The following NALCN variants were observed in gnomAD, a reference collection of about 807,000 sequenced individuals.
NALCN encodes sodium leak channel NALCN.
In NALCN, 111 loss-of-function variants were observed where a neutral mutation model predicts 225.3. The ratio of observed to expected loss-of-function variants is 0.49; its 90% CI spans 0.42 to 0.58. The LOEUF is 0.58. Ranked by LOEUF, NALCN falls within the 20% of genes least tolerant of loss-of-function variation. NALCN has a pLI of 0.00. For missense variants in NALCN, 1,378 were observed against 2,202.4 expected (o/e 0.63, Z 7.49); for synonymous variants, 764 against 769.0 (o/e 0.99, Z 0.11).
intron 15 of NALCN, among the ~76,000 whole-genome samples, chr13:101,150,272 A>G (rs2037581365): frequency 6.6e-6 from 1 of 152,156 alleles, no homozygotes; most frequent in Non-Finnish European, 1.5e-5. Flanking sequence ...GGGAGGGAGT[A>G]TGGAAAGGAG....
At chr13:101,146,515 AAG>A (rs2037351395) in intron 15 of NALCN, among the ~76,000 whole-genome samples, 1 of 152,224 alleles carries the variant, frequency 6.6e-6, no homozygotes, top group African/African-American at 2.4e-5. Flanking sequence ...ATTTACCAGG[AAG>A]AGTCTTGTTT....
intron 10 of NALCN, among the ~76,000 whole-genome samples, chr13:101,259,855 G>T (rs2042366500): frequency 6.6e-6 from 1 of 151,196 alleles, no homozygotes; most frequent in Non-Finnish European, 1.5e-5. Context: ...ATGGAGAATG[G>T]GGTATCCTTT....
intron 11 of NALCN, among the ~76,000 whole-genome samples, chr13:101,254,890 C>CA (rs149258180): frequency 0.82 from 31,572 of 38,504 alleles, 13,895 homozygotes; most frequent in Non-Finnish European, 0.96. Context: ...GACTCTGTCT[C>CA]AAAAAAAAAA....
intron 13 of NALCN, among the ~76,000 whole-genome samples, chr13:101,206,668 A>G (rs111244667): frequency 0.01 from 1,569 of 151,522 alleles, 30 homozygotes; most frequent in African/African-American, 0.037. Flanking sequence ...TTCATAGTAA[A>G]AAATCTCAAA....
At chr13:101,404,830 C>G (rs1303596853) in intron 1 of NALCN, among the ~76,000 whole-genome samples, 8 of 152,224 alleles carry the variant, frequency 5.3e-5, no homozygotes, top group African/African-American at 1.9e-4. Flanking sequence ...ACATCTGTGC[C>G]CCTTCCTTGT....
chr13:101,314,644 A>G (rs562720), intron 7 of NALCN, among the ~76,000 whole-genome samples: 62,002 of 151,968 alleles, frequency 0.41, 13,012 homozygotes, highest in Middle Eastern at 0.47. Flanking sequence ...TCAGTTCTCT[A>G]TTCTCGATAT....
intron 2 of NALCN, among the ~76,000 whole-genome samples, chr13:101,395,578 A>G (rs1178610382): frequency 2.0e-5 from 3 of 152,222 alleles, no homozygotes; most frequent in African/African-American, 7.2e-5. Flanking sequence ...CCTATTTTCC[A>G]CATAAACACA....
At chr13:101,069,456 A>T (rs1261095580) in intron 37 of NALCN, among the ~76,000 whole-genome samples, 1 of 152,262 alleles carries the variant, frequency 6.6e-6, no homozygotes, top group African/African-American at 2.4e-5. Context: ...GTGAGCCTTC[A>T]GTGAGTTGTA....
At chr13:101,363,419 C>A (rs2046301633) in intron 6 of NALCN, among the ~76,000 whole-genome samples, 1 of 151,854 alleles carries the variant, frequency 6.6e-6, no homozygotes, top group Admixed American at 6.6e-5. Context: ...AATAGAAAAC[C>A]CAGAAATAAA....
At chr13:101,069,449 A>G (rs1220500972) in intron 37 of NALCN, among the ~76,000 whole-genome samples, 3 of 152,232 alleles carry the variant, frequency 2.0e-5, no homozygotes, top group African/African-American at 2.4e-5. Context: ...CAATCATGTG[A>G]GCCTTCAGTG....
In NALCN at chr13:101,176,299, CTTGT is replaced by C; in HGVS notation, c.1836_1839del (p.Lys612AsnfsTer2). The C allele has an allele frequency of 6.3e-7, 1 of 1,576,062 alleles. No homozygotes were observed. The highest frequency in any genetic ancestry group is 8.6e-7 in the Non-Finnish European group (1 of 1,165,766). On this transcript the variant is annotated frameshift_variant and splice_region_variant, in exon 15 of 44. Coordinates refer to ENST00000251127, the MANE Select transcript of NALCN (RefSeq NM_052867.4). LOFTEE classifies it high-confidence loss of function. ...AAAAAAATCCCCCACACACTACTTA[CTTGT>C]TTAAGCTTCTTTAGGTCTTCATCAA...
intron 13 of NALCN, among the ~76,000 whole-genome samples, chr13:101,198,817 TTCTGCTATAAAGAC>T (rs1398955695): frequency 6.6e-6 from 1 of 152,228 alleles, no homozygotes; most frequent in Non-Finnish European, 1.5e-5. Flanking sequence ...TTATAAATCA[TTCTGCTATAAAGAC>T]ACATGCATAT....
chr13:101,278,024 T>C (rs1186582184), intron 10 of NALCN, among the ~76,000 whole-genome samples: 2 of 152,180 alleles, frequency 1.3e-5, no homozygotes, highest in Non-Finnish European at 2.9e-5. Context: ...TTTTTAAACT[T>C]TGGGTCAAAT....
intron 1 of NALCN, among the ~76,000 whole-genome samples, chr13:101,415,335 C>T (rs2047911775): frequency 6.6e-6 from 1 of 151,956 alleles, no homozygotes; most frequent in Non-Finnish European, 1.5e-5. Flanking sequence ...CACATTTCAC[C>T]ACCAGGGCAG....
At chr13:101,158,307 T>C (rs1430229342) in intron 15 of NALCN, among the ~76,000 whole-genome samples, 1 of 152,234 alleles carries the variant, frequency 6.6e-6, no homozygotes. Flanking sequence ...AAGAGAATCT[T>C]GTCTTCCTTA....
intron 15 of NALCN, among the ~76,000 whole-genome samples, chr13:101,172,768 C>T (rs1293861014): frequency 6.6e-6 from 1 of 152,034 alleles, no homozygotes; most frequent in Admixed American, 6.6e-5. Flanking sequence ...GGGATTTCAC[C>T]GTGTTAGCCA....
intron 11 of NALCN, among the ~76,000 whole-genome samples, chr13:101,250,948 A>G (rs2042044938): frequency 6.6e-6 from 1 of 152,104 alleles, no homozygotes; most frequent in African/African-American, 2.4e-5. Flanking sequence ...ATGTATATTA[A>G]GACTATAATG....
chr13:101,377,721 G>C (rs2046734299), intron 4 of NALCN, among the ~76,000 whole-genome samples: 1 of 152,094 alleles, frequency 6.6e-6, no homozygotes, highest in South Asian at 2.1e-4. Context: ...TTGAACTCTA[G>C]AGACCTGTAC....
chr13:101,294,737 T>G (rs2043679349), intron 7 of NALCN, among the ~76,000 whole-genome samples: 1 of 152,000 alleles, frequency 6.6e-6, no homozygotes, highest in Non-Finnish European at 1.5e-5. Context: ...GATGGTCACA[T>G]GGGGATGAAG....
Sources: allele counts gnomAD v4.1 joint callset (sites outside exome capture counted in the v4.1 genomes callset), GRCh38; gene constraint gnomAD v4.1.1; transcripts MANE v1.5; gene names NCBI Gene and HGNC (gene_info 2026-07-23, HGNC 2026-07-21).